Variants in TTC6 observed in about 807,000 individuals in gnomAD.
The protein encoded by TTC6 is tetratricopeptide repeat domain 6.
In TTC6, 172 loss-of-function variants were observed where a neutral mutation model predicts 210.4. That is an observed-to-expected ratio of 0.82 (90% CI 0.72 to 0.93). TTC6 has a LOEUF of 0.93. Ranked by LOEUF, TTC6 falls within the 40% of genes least tolerant of loss-of-function variation. The pLI is 0.00. For synonymous variants in TTC6, 804 were observed against 819.6 expected (o/e 0.98, Z 0.32); for missense variants, 2,414 against 2,318.1 (o/e 1.04, Z -0.85).
At chr14:37,642,677 G>A (rs1033090305) in intron 1 of TTC6, among the ~76,000 whole-genome samples, 2 of 152,118 alleles carry the variant, frequency 1.3e-5, no homozygotes, top group African/African-American at 4.8e-5. Flanking sequence ...GGAATACTTT[G>A]TGAGAAATGT....
chr14:37,827,454 C>G, intron 29 of TTC6, 88 bp downstream of exon 31: 1 of 1,286,338 alleles, frequency 7.8e-7, no homozygotes, highest in Non-Finnish European at 1.1e-6. Flanking sequence ...CATACAATCT[C>G]AGGCTAATAA....
chr14:37,831,020 T>G (rs2096183623), intron 29 of TTC6, among the ~76,000 whole-genome samples: 1 of 152,124 alleles, frequency 6.6e-6, no homozygotes, highest in African/African-American at 2.4e-5. Flanking sequence ...ATACTAGAAC[T>G]TATTTCTTCC....
At chr14:37,762,034 A>G (rs995278683) in intron 14 of TTC6, among the ~76,000 whole-genome samples, 2 of 152,090 alleles carry the variant, frequency 1.3e-5, no homozygotes, top group Non-Finnish European at 2.9e-5. Context: ...CTGCCTCTAT[A>G]TATTTGTTTT....
chr14:37,625,409 G>A (rs142093786), intron 1 of TTC6, among the ~76,000 whole-genome samples: 1 of 151,852 alleles, frequency 6.6e-6, no homozygotes, highest in Non-Finnish European at 1.5e-5. Context: ...TTAGCCGGGC[G>A]TGGTGGCAGG....
chr14:37,680,962 G>A (rs1490564395), intron 2 of TTC6, among the ~76,000 whole-genome samples: 2 of 152,184 alleles, frequency 1.3e-5, no homozygotes, highest in Non-Finnish European at 1.5e-5. Context: ...AAAGTGCATG[G>A]AATTTTTTCT....
At chr14:37,597,260 C>G (rs1440973929) in intron 1 of TTC6, among the ~76,000 whole-genome samples, 1 of 152,088 alleles carries the variant, frequency 6.6e-6, no homozygotes, top group Non-Finnish European at 1.5e-5. Context: ...TATACGGATG[C>G]TTAGCTTCCT....
intron 4 of TTC6, among the ~76,000 whole-genome samples, chr14:37,698,972 A>G (rs981516569): frequency 6.6e-6 from 1 of 152,066 alleles, no homozygotes; most frequent in Non-Finnish European, 1.5e-5. Context: ...GGCCCAGCCA[A>G]CTCCAAAGTC....
intron 1 of TTC6, among the ~76,000 whole-genome samples, chr14:37,635,271 G>T (rs2095677944): frequency 6.6e-6 from 1 of 152,154 alleles, no homozygotes; most frequent in Non-Finnish European, 1.5e-5. Context: ...CGTGCTAATG[G>T]TACTGGTATC....
chr14:37,664,285 T>C (rs897540648), intron 1 of TTC6, among the ~76,000 whole-genome samples: 5 of 150,508 alleles, frequency 3.3e-5, no homozygotes, highest in African/African-American at 9.7e-5. Flanking sequence ...AACAGCATGG[T>C]ACTGGTACAA....
At chr14:37,627,098 C>T (rs1017873284) in intron 1 of TTC6, among the ~76,000 whole-genome samples, 3 of 151,950 alleles carry the variant, frequency 2.0e-5, no homozygotes, top group Non-Finnish European at 4.4e-5. Flanking sequence ...GTGGCCCCTT[C>T]CCCCCACTCT....
At chr14:37,741,146 T>A (rs1449314609) in intron 10 of TTC6, among the ~76,000 whole-genome samples, 1 of 152,128 alleles carries the variant, frequency 6.6e-6, no homozygotes, top group African/African-American at 2.4e-5. Flanking sequence ...CTTTCCTACC[T>A]TTTTAAAAAA....
At chr14:37,740,962 A>G (rs1332753336) in intron 10 of TTC6, among the ~76,000 whole-genome samples, 1 of 152,190 alleles carries the variant, frequency 6.6e-6, no homozygotes, top group East Asian at 1.9e-4. Flanking sequence ...TGGTCTTCTT[A>G]CTGACCTTTT....
At chr14:37,827,332 G>A (rs2096174431) in exon 29 of TTC6, 1 of 1,613,006 alleles carries the variant, frequency 6.2e-7, no homozygotes, top group African/African-American at 1.3e-5. Flanking sequence ...TTTAATGCAG[G>A]AAATATCTAC....
chr14:37,751,255 TTA>T, intron 13 of TTC6, 30 bp downstream of exon 15: 1 of 1,472,246 alleles, frequency 6.8e-7, no homozygotes, highest in Non-Finnish European at 9.0e-7. Context: ...ATTCTACCAT[TTA>T]TATAGTTTAG....
chr14:37,667,048 T>G, intron 1 of TTC6, among the ~76,000 whole-genome samples: 1 of 150,632 alleles, frequency 6.6e-6, no homozygotes, highest in East Asian at 1.9e-4. Flanking sequence ...ATTGGACATT[T>G]ATTGTATCTA....
chr14:37,664,120 A>G (rs536689925), intron 1 of TTC6, among the ~76,000 whole-genome samples: 1 of 150,832 alleles, frequency 6.6e-6, no homozygotes, highest in East Asian at 1.9e-4. Context: ...TTAAACTACC[A>G]TTGACATTCT....
intron 29 of TTC6, 89 bp from the exon 32 acceptor site, chr14:37,841,356 C>A (rs1348780595): frequency 2.7e-6 from 3 of 1,097,858 alleles, no homozygotes; most frequent in Non-Finnish European, 3.9e-6. Context: ...ATGCCACTGG[C>A]CTTAATTTAA....
At position 37,792,776 on chromosome 14, in the gene TTC6, T is replaced by TTGTGTGTG. The variant is rs34766491; in HGVS notation, c.3708+398_3708+405dup. Among the ~76,000 whole-genome samples the TTGTGTGTG allele has an allele frequency of 2.3e-3, 329 of 140,108 alleles. 1 individual carries two copies. The highest frequency in any genetic ancestry group is 7.6e-3 in the African/African-American group (285 of 37,362). The allele number at this position is 140,108 out of a possible 152,430, so 91.9% of individuals were successfully genotyped here. A position where few individuals can be genotyped will look rare whatever the true frequency, so the allele number is the denominator to read the frequency against. The stretch of plus-strand genomic sequence containing the variant: ...AACAATTTGAGTCTATGGTCCAATG[T>TTGTGTGTG]TGTGTGTGTGTGTGTGTGTGTGTGT... On this transcript the variant is annotated intron_variant, in intron 17 of 30. Transcript: ENST00000553443.
chr14:37,677,495 A>G (rs1299788084), intron 1 of TTC6, among the ~76,000 whole-genome samples: 1 of 152,012 alleles, frequency 6.6e-6, no homozygotes, highest in Non-Finnish European at 1.5e-5. Flanking sequence ...TTGCAAATAA[A>G]GAGATTTTTT....
Sources: gnomAD v4.1 joint callset for allele counts (sites outside exome capture counted in the v4.1 genomes callset) on GRCh38, gnomAD v4.1.1 for gene constraint, MANE v1.5 for transcripts, NCBI Gene and HGNC (gene_info 2026-07-23, HGNC 2026-07-21) for gene names.